Variants in HEATR4 observed in about 807,000 individuals in gnomAD.
HEATR4 encodes the protein HEAT repeat-containing protein 4.
Under a neutral mutation model 108.8 loss-of-function variants are expected in HEATR4, and 95 were observed. The ratio of observed to expected loss-of-function variants is 0.87; its 90% CI spans 0.74 to 1.04. The LOEUF (loss-of-function observed/expected upper bound fraction) is 1.04, where lower values mean the gene tolerates loss of function less well. Ranked by LOEUF, HEATR4 falls within the 50% of genes least tolerant of loss-of-function variation. The pLI is 0.00. For missense variants in HEATR4, 1,152 were observed against 1,253.8 expected (o/e 0.92, Z 1.23); for synonymous variants, 443 against 459.4 (o/e 0.96, Z 0.46).
chr14:73,621,761 C>CTTTTTTTTT, the HEATR4 span, among the ~76,000 whole-genome samples: 87 of 109,496 alleles, frequency 7.9e-4, no homozygotes, highest in East Asian at 1.1e-3. Context: ...TTCTTTCTTT[C>CTTTTTTTTT]TTTTTTTTTT....
At chr14:73,495,973 C>CA (rs909886064) in intron 15 of HEATR4, among the ~76,000 whole-genome samples, 4 of 151,938 alleles carry the variant, frequency 2.6e-5, no homozygotes, top group African/African-American at 9.7e-5. Flanking sequence ...ACTAAAAATA[C>CA]AAAAAAATTA....
intron 17 of HEATR4, chr14:73,491,409 G>T: frequency 7.4e-7 from 1 of 1,343,958 alleles, no homozygotes; most frequent in Non-Finnish European, 9.5e-7. Flanking sequence ...CCGCCCGCGC[G>T]CCTGGTGGAG....
Position 73,492,403 on chromosome 14 carries a change from G to A in HEATR4, c.2844+663C>T. The stretch of plus-strand genomic sequence containing the variant: ...TGCCCCGAGACTTCATGGATTACAT[G>A]GGGGCCCAGCATTCAGATTCTAAGG... On this transcript the variant is annotated intron_variant, in intron 17 of 17. Transcript: ENST00000553558. This position sits in a 1 kb window ranked among gnomAD's most constrained non-coding sequence, Gnocchi z 4.9. 1 of 1,613,836 alleles carries A rather than the reference G, an allele frequency of 6.2e-7. No individual in the cohort carries two copies. The highest frequency in any genetic ancestry group is 8.5e-7 in the Non-Finnish European group (1 of 1,179,768).
the HEATR4 span, among the ~76,000 whole-genome samples, chr14:73,602,265 CA>C: frequency 3.9e-5 from 6 of 152,090 alleles, no homozygotes; most frequent in South Asian, 1.0e-3. Flanking sequence ...TGTTGGGAGC[CA>C]AAAAGGTCAA....
chr14:73,531,489 T>C (rs1216760385), intron 1 of HEATR4, among the ~76,000 whole-genome samples: 3 of 105,196 alleles, frequency 2.9e-5, no homozygotes, highest in East Asian at 8.0e-4. Flanking sequence ...GGTGTGATCT[T>C]GGCTCACTGC....
rs370838005 is a variant in HEATR4 at position 73,492,636 on chromosome 14, C to G, written c.2844+430G>C. The G allele has an allele frequency of 6.2e-7, 1 of 1,613,916 alleles. No individual in the cohort carries two copies. The highest frequency in any genetic ancestry group is 2.2e-5 in the East Asian group (1 of 44,884). Reference sequence around the variant, plus strand: ...GCTGGAGAACCTGTAAACGTGGGGGCCCAGTTGACAACAGAAACAGAAGTC... The same window carrying G: ...GCTGGAGAACCTGTAAACGTGGGGGGCCAGTTGACAACAGAAACAGAAGTC... On this transcript the variant is annotated intron_variant, in intron 17 of 17. Coordinates refer to ENST00000553558, the MANE Select transcript of HEATR4 (RefSeq NM_001220484.1). This position sits in a 1 kb window ranked among gnomAD's most constrained non-coding sequence, Gnocchi z 4.9.
chr14:73,540,674 C>T (rs1479779769), intron 1 of HEATR4, among the ~76,000 whole-genome samples: 2 of 119,848 alleles, frequency 1.7e-5, no homozygotes, highest in African/African-American at 2.9e-5. Context: ...GTCTGTGGGA[C>T]GTTGATGGTT....
chr14:73,505,693 G>A (rs908869304), intron 10 of HEATR4, among the ~76,000 whole-genome samples: 3 of 150,688 alleles, frequency 2.0e-5, no homozygotes, highest in Non-Finnish European at 3.0e-5. Context: ...GTGCCCGGCC[G>A]GGACTATGTT....
chr14:73,580,851 G>A, the HEATR4 span: 1 of 152,006 alleles, frequency 6.6e-6, no homozygotes, highest in Non-Finnish European at 1.5e-5. Flanking sequence ...ATTTCAAGAT[G>A]AAAGGAAACT....
At chr14:73,589,726 C>T in the HEATR4 span, among the ~76,000 whole-genome samples, 2 of 152,130 alleles carry the variant, frequency 1.3e-5, no homozygotes, top group African/African-American at 4.8e-5. Flanking sequence ...TGGTCTTGGT[C>T]TCACTGACTT....
chr14:73,506,694 G>A, intron 9 of HEATR4, 123 bp from the exon 10 acceptor site: 1 of 629,632 alleles, frequency 1.6e-6, no homozygotes, highest in Non-Finnish European at 2.7e-6. Context: ...ACAAGAGATG[G>A]GGCATGTTTC....
At position 73,553,296 on chromosome 14, in the gene HEATR4, C is replaced by A. The variant is rs529343387; in HGVS notation, c.-152+5455G>T. 4.1e-4 allele frequency among the ~76,000 whole-genome samples: 47 copies of A among 113,812 alleles called. 12 individuals are homozygous for A. The highest frequency in any genetic ancestry group is 1.0e-3 in the African/African-American group (36 of 35,334). 74.7% of individuals were successfully genotyped at this position (113,812 alleles called of 152,430 possible). A position where few individuals can be genotyped will look rare whatever the true frequency, so the allele number is the denominator to read the frequency against. ...CTGAGGTGGGCGGATTACCTGGGCT[C>A]AGGAGTTCAAGACCAGCCTGGGCAA... On this transcript the variant is annotated intron_variant, in intron 1 of 17. Coordinates refer to ENST00000553558, the MANE Select transcript of HEATR4 (RefSeq NM_001220484.1).
chr14:73,480,046 A>G (rs1312315615), intron 17 of HEATR4, among the ~76,000 whole-genome samples: 1 of 152,226 alleles, frequency 6.6e-6, no homozygotes, highest in African/African-American at 2.4e-5. Flanking sequence ...AATATTCTTT[A>G]CTTCACTAAT....
the HEATR4 span, among the ~76,000 whole-genome samples, chr14:73,598,263 G>A: frequency 0.18 from 25,398 of 144,928 alleles, 3,993 homozygotes; most frequent in African/African-American, 0.42. Flanking sequence ...GGTGGCAGGC[G>A]CCTGTAGTCC....
At chr14:73,603,224 A>C in the HEATR4 span, among the ~76,000 whole-genome samples, 1 of 152,252 alleles carries the variant, frequency 6.6e-6, no homozygotes, top group Non-Finnish European at 1.5e-5. Context: ...GGCAAGTTGA[A>C]CTATTTTCAA....
chr14:73,589,389 A>G, the HEATR4 span, among the ~76,000 whole-genome samples: 2 of 151,730 alleles, frequency 1.3e-5, no homozygotes, highest in Non-Finnish European at 2.9e-5. Context: ...GTATGATCTC[A>G]GCTTACTGCA....
the HEATR4 span, among the ~76,000 whole-genome samples, chr14:73,577,652 G>A: frequency 6.6e-6 from 1 of 151,790 alleles, no homozygotes; most frequent in Non-Finnish European, 1.5e-5. Context: ...GTCTGCTGAA[G>A]CCCTTTTGAG....
rs1241536337 is a variant in HEATR4, at chr14:73,492,503, G to A, written c.2844+563C>T. ...CCTGGGACACTTTGCTCCTGTTGAT[G>A]CTGTGGCCGACCAGCGAGCCAAAGA... On this transcript the variant is annotated intron_variant, in intron 17 of 17. Coordinates refer to ENST00000553558, the MANE Select transcript of HEATR4 (RefSeq NM_001220484.1). The surrounding 1 kb of genome is among the most constrained non-coding windows in gnomAD (Gnocchi z 4.9). 6.2e-7 allele frequency: 1 copy of A among 1,613,538 alleles called. No homozygotes were observed. The highest frequency in any genetic ancestry group is 1.3e-5 in the African/African-American group (1 of 74,922).
In HEATR4 at chr14:73,514,041, G is replaced by C; in HGVS notation, c.1404C>G (p.Ala468=). ...LRRMLKEWKT[A]WALIIEWHHE... ...CCTCCCTTCACTCACTCAGAGCCCA[G>C]GCAGTCTTCCATTCCTTCAGCATCC... The change falls in exon 6 of 18, where the codon GCC becomes GCG. Residue 468 remains alanine (A), a synonymous_variant. Transcript: ENST00000553558. The C allele has an allele frequency of 6.2e-7, 1 of 1,614,178 alleles. No individual in the cohort carries two copies. Among genetic ancestry groups the C allele is most frequent in the African/African-American group, 1.3e-5 (1 of 75,050 alleles).
Sources: allele counts gnomAD v4.1 joint callset (sites outside exome capture counted in the v4.1 genomes callset), GRCh38; gene constraint gnomAD v4.1.1; non-coding constraint Gnocchi (gnomAD v3.1); transcripts MANE v1.5; gene names NCBI Gene and HGNC (gene_info 2026-07-23, HGNC 2026-07-21).